Variants in ABCA8 observed in about 807,000 individuals in gnomAD.
The protein encoded by ABCA8 is ATP binding cassette subfamily A member 8, also known as ABC-type organic anion transporter ABCA8.
Under a neutral mutation model 192.3 loss-of-function variants are expected in ABCA8, and 177 were observed. That is an observed-to-expected ratio of 0.92 (90% CI 0.81 to 1.04). The LOEUF is 1.04. Among genes scored for constraint, ABCA8 ranks in the 50% least tolerant of loss-of-function variants. The pLI, the probability that ABCA8 is intolerant of heterozygous loss-of-function variation, is 0.00. For synonymous variants in ABCA8, 642 were observed against 690.2 expected (o/e 0.93, Z 1.09); for missense variants, 1,915 against 1,904.8 (o/e 1.01, Z -0.10).
At chr17:68,924,450 C>T (rs764591139) in intron 11 of ABCA8, among the ~76,000 whole-genome samples, 12 of 151,796 alleles carry the variant, frequency 7.9e-5, no homozygotes, top group Non-Finnish European at 1.3e-4. Context: ...TGAATCCGGG[C>T]AAGGGTTTTG....
At chr17:68,883,701 G>C (rs1009715855) in intron 29 of ABCA8, 90 bp downstream of exon 29, 9 of 802,698 alleles carry the variant, frequency 1.1e-5, no homozygotes, top group Non-Finnish European at 1.8e-5. Context: ...CTAGCACAAC[G>C]GCACCTCTTT....
chr17:68,907,366 A>G (rs754080723), intron 18 of ABCA8, among the ~76,000 whole-genome samples: 2 of 152,040 alleles, frequency 1.3e-5, no homozygotes, highest in African/African-American at 4.8e-5. Context: ...GAAAAACCCA[A>G]AGTTATTGCA....
intron 2 of ABCA8, among the ~76,000 whole-genome samples, chr17:68,948,105 A>T (rs1031034767): frequency 4.6e-5 from 7 of 152,164 alleles, no homozygotes; most frequent in African/African-American, 1.4e-4. Context: ...ATAGTATTCC[A>T]TGGTGTATAT....
intron 25 of ABCA8, 40 bp downstream of exon 25, chr17:68,887,296 T>C (rs768839614): frequency 7.9e-5 from 119 of 1,500,080 alleles, no homozygotes; most frequent in Non-Finnish European, 1.0e-4. Context: ...CACACAATGA[T>C]ATTGTGAATA....
Position 68,868,053 on chromosome 17 carries a change from CG to C in ABCA8, c.*31del. On this transcript the variant is annotated 3_prime_UTR_variant, in exon 40 of 40. Transcript: ENST00000586539. Reference sequence around the variant, plus strand: ...AAATAAATGTATTTAAAAAAAACCACGGGTTTAAACAGGAACACAGAATTTG... The same window carrying C: ...AAATAAATGTATTTAAAAAAAACCACGGTTTAAACAGGAACACAGAATTTG... 6.7e-7 allele frequency: 1 copy of C among 1,488,326 alleles called. No individual in the cohort carries two copies. The highest frequency in any genetic ancestry group is 1.2e-5 in the South Asian group (1 of 80,262). The allele number at this position is 1,488,326 out of a possible 1,614,324, so 92.2% of individuals were successfully genotyped here. A position where few individuals can be genotyped will look rare whatever the true frequency, so the allele number is the denominator to read the frequency against.
rs1567863820 is a variant in ABCA8 at position 68,922,213 on chromosome 17, T to C, written c.1501+29A>G. 3.7e-4 allele frequency: 35 copies of C among 94,574 alleles called. 2 individuals carry two copies. The highest frequency in any genetic ancestry group is 1.3e-3 in the Admixed American group (6 of 4,482). 5.9% of individuals were successfully genotyped at this position (94,574 alleles called of 1,614,324 possible). A position where few individuals can be genotyped will look rare whatever the true frequency, so the allele number is the denominator to read the frequency against. On this transcript the variant is annotated intron_variant, in intron 12 of 39. Coordinates refer to ENST00000586539, the MANE Select transcript of ABCA8 (RefSeq NM_001288985.2). ...CTCTCTCTTTTTTTTTTTTTTTTTT[T>C]TTTTTTTTTTTTTTTTTTTTTTTTT... is the stretch of plus-strand genomic sequence containing the variant.
intron 32 of ABCA8, 108 bp from the exon 33 acceptor site, chr17:68,877,787 C>A (rs889590682): frequency 8.2e-6 from 10 of 1,212,358 alleles, no homozygotes; most frequent in Non-Finnish European, 9.1e-6. Flanking sequence ...AAACTCTAAA[C>A]CTCATTGGGT....
At chr17:68,895,147 A>G in intron 21 of ABCA8, 134 bp from the exon 22 acceptor site, 1 of 560,622 alleles carries the variant, frequency 1.8e-6, no homozygotes, top group East Asian at 3.3e-5. Context: ...CATAACATAC[A>G]TAACATCTAT....
intron 14 of ABCA8, among the ~76,000 whole-genome samples, chr17:68,918,820 C>T (rs1482302837): frequency 6.6e-6 from 1 of 150,922 alleles, no homozygotes; most frequent in Non-Finnish European, 1.5e-5. Flanking sequence ...ATCCCAGCTA[C>T]TCAGGAGGCT....
At chr17:68,925,313 A>T (rs899710329) in intron 10 of ABCA8, among the ~76,000 whole-genome samples, 2 of 152,220 alleles carry the variant, frequency 1.3e-5, no homozygotes, top group African/African-American at 4.8e-5. Flanking sequence ...TAAATGACAC[A>T]TTTGTAAGAA....
chr17:68,905,943 G>T (rs764106510), intron 19 of ABCA8, 101 bp downstream of exon 19: 221 of 1,094,598 alleles, frequency 2.0e-4, no homozygotes, highest in Middle Eastern at 3.2e-4. Context: ...TGTCTAAGAA[G>T]AGCCTTAATC....
intron 23 of ABCA8, among the ~76,000 whole-genome samples, chr17:68,892,933 C>T (rs2066650362): frequency 6.6e-6 from 1 of 152,080 alleles, no homozygotes; most frequent in Non-Finnish European, 1.5e-5. Context: ...TCTCTTGAGC[C>T]CAGGAGTTCG....
chr17:68,868,340 G>A lies in ABCA8; in HGVS notation c.4728C>T (p.Asp1576=). The A allele has an allele frequency of 6.2e-7, 1 of 1,613,586 alleles. No individual in the cohort carries two copies. The highest frequency in any genetic ancestry group is 1.1e-5 in the South Asian group (1 of 91,070). Residue 1576 remains aspartate, a synonymous_variant, in exon 39 of 40, where the codon GAC becomes GAT. Transcript: ENST00000586539. ...ACTGTGAGAGGCTGTACTCCTCTAG[G>A]TCAAAGCTCTGTTTAACTGCATAGG... ...FKLEKVKQSF[D]LEEYSLSQST...
intron 35 of ABCA8, 48 bp from the exon 36 acceptor site, chr17:68,875,781 T>G (rs1413013416): frequency 6.3e-7 from 1 of 1,581,658 alleles, no homozygotes; most frequent in East Asian, 2.2e-5. Context: ...CTCTAATTAA[T>G]CAGAAAGAGA....
intron 16 of ABCA8, 66 bp downstream of exon 16, chr17:68,917,981 G>T: frequency 6.4e-7 from 1 of 1,573,664 alleles, no homozygotes; most frequent in Non-Finnish European, 8.7e-7. Flanking sequence ...ACTGTTCAGA[G>T]ACCAATCCAT....
chr17:68,946,103 T>C (rs559476841), intron 2 of ABCA8, among the ~76,000 whole-genome samples: 12 of 152,152 alleles, frequency 7.9e-5, no homozygotes, highest in African/African-American at 2.4e-4. Flanking sequence ...AGTCTCACTG[T>C]GTGGCCCAGG....
intron 17 of ABCA8, among the ~76,000 whole-genome samples, chr17:68,914,200 C>G (rs563913202): frequency 1.3e-5 from 2 of 152,024 alleles, no homozygotes; most frequent in Non-Finnish European, 2.9e-5. Flanking sequence ...GTATCATACT[C>G]AATGGGGGAA....
chr17:68,878,159 A>T (rs1026255725), intron 32 of ABCA8: 1 of 152,912 alleles, frequency 6.5e-6, no homozygotes, highest in Non-Finnish European at 1.5e-5. Flanking sequence ...AGAAATGAAC[A>T]TGCAGAATAA....
At chr17:68,886,273 G>A (rs995529299) in intron 26 of ABCA8, among the ~76,000 whole-genome samples, 1 of 152,022 alleles carries the variant, frequency 6.6e-6, no homozygotes, top group East Asian at 1.9e-4. Flanking sequence ...TTTAAGGGCC[G>A]CCATGATTTT....
Sources: gnomAD v4.1 joint callset for allele counts (sites outside exome capture counted in the v4.1 genomes callset) on GRCh38, gnomAD v4.1.1 for gene constraint, MANE v1.5 for transcripts, NCBI Gene and HGNC (gene_info 2026-07-23, HGNC 2026-07-21) for gene names.